NEGR1: variants seen among roughly 807,000 people sequenced by gnomAD.
The protein encoded by NEGR1 is IgLON family member 4.
Under a neutral mutation model 40.9 loss-of-function variants are expected in NEGR1, and 10 were observed. That is an observed-to-expected ratio of 0.24 (90% CI 0.15 to 0.42). The LOEUF (loss-of-function observed/expected upper bound fraction) is 0.42, where lower values mean the gene tolerates loss of function less well. Among genes scored for constraint, NEGR1 ranks in the 10% least tolerant of loss-of-function variants. NEGR1 has a pLI of 1.00. For synonymous variants in NEGR1, 185 were observed against 166.8 expected, an observed-to-expected ratio of 1.11 and a Z score of -0.84; for missense variants, 352 against 438.9, an observed-to-expected ratio of 0.80 and a Z score of 1.77.
At chr1:71,669,396 G>A (rs1348639931) in intron 4 of NEGR1, among the ~76,000 whole-genome samples, 3 of 151,740 alleles carry the variant, frequency 2.0e-5, no homozygotes, top group African/African-American at 7.3e-5. Flanking sequence ...CTTATTTTGT[G>A]TTCCATTTTC....
intron 6 of NEGR1, among the ~76,000 whole-genome samples, chr1:71,498,148 G>A (rs1646977236): frequency 6.7e-6 from 1 of 150,368 alleles, no homozygotes; most frequent in Non-Finnish European, 1.5e-5. Flanking sequence ...AAAGGTAATG[G>A]TCATCTAGTA....
intron 2 of NEGR1, among the ~76,000 whole-genome samples, chr1:71,856,723 A>G (rs766044410): frequency 6.6e-6 from 1 of 152,070 alleles, no homozygotes; most frequent in African/African-American, 2.4e-5. Flanking sequence ...ATTGTTGCAT[A>G]AAAATACTCT....
chr1:71,523,885 T>C (rs1485499893), intron 6 of NEGR1, among the ~76,000 whole-genome samples: 1 of 151,858 alleles, frequency 6.6e-6, no homozygotes, highest in Non-Finnish European at 1.5e-5. Context: ...ATCCTCAGTA[T>C]AGCGAGAAGC....
chr1:71,669,956 T>C (rs1652364759), intron 4 of NEGR1, among the ~76,000 whole-genome samples: 1 of 152,158 alleles, frequency 6.6e-6, no homozygotes, highest in African/African-American at 2.4e-5. Context: ...CAATCCTAGG[T>C]AGTATTTTAA....
chr1:72,200,241 C>T (rs574400564), intron 1 of NEGR1, among the ~76,000 whole-genome samples: 1 of 152,018 alleles, frequency 6.6e-6, no homozygotes, highest in South Asian at 2.1e-4. Context: ...GTGCTATTCA[C>T]AATATCAAAG....
intron 2 of NEGR1, among the ~76,000 whole-genome samples, chr1:71,899,789 A>T (rs1008692564): frequency 6.6e-6 from 1 of 152,106 alleles, no homozygotes; most frequent in Non-Finnish European, 1.5e-5. Context: ...AATATATTCC[A>T]TATTTGCCTT....
intron 4 of NEGR1, among the ~76,000 whole-genome samples, chr1:71,656,562 G>A (rs985529204): frequency 3.3e-5 from 5 of 152,054 alleles, no homozygotes; most frequent in Non-Finnish European, 4.4e-5. Flanking sequence ...ACAGGCGCCC[G>A]CCACCGTGCC....
intron 1 of NEGR1, among the ~76,000 whole-genome samples, chr1:72,098,371 T>C (rs536949558): frequency 6.6e-6 from 1 of 152,298 alleles, no homozygotes; most frequent in East Asian, 1.9e-4. Context: ...CACCATTATG[T>C]TAAATAATAC....
intron 6 of NEGR1, among the ~76,000 whole-genome samples, chr1:71,497,811 G>T (rs1646975013): frequency 6.6e-6 from 1 of 152,028 alleles, no homozygotes; most frequent in African/African-American, 2.4e-5. Context: ...CCTAACACTT[G>T]TGTTTTCTGA....
At chr1:71,884,669 G>GATGACAC (rs767140892) in intron 2 of NEGR1, among the ~76,000 whole-genome samples, 39 of 152,078 alleles carry the variant, frequency 2.6e-4, no homozygotes, top group Non-Finnish European at 1.5e-4. Flanking sequence ...TTGAGAACTA[G>GATGACAC]ATGACACACT....
intron 1 of NEGR1, among the ~76,000 whole-genome samples, chr1:72,054,549 T>C (rs932055736): frequency 6.6e-6 from 1 of 151,308 alleles, no homozygotes; most frequent in Non-Finnish European, 1.5e-5. Context: ...ACAAATACTA[T>C]GGTACTCTGG....
At chr1:72,221,414 G>A (rs1654008073) in intron 1 of NEGR1, among the ~76,000 whole-genome samples, 1 of 152,024 alleles carries the variant, frequency 6.6e-6, no homozygotes, top group Non-Finnish European at 1.5e-5. Context: ...AATCTCGGAT[G>A]ATTGTCAATT....
intron 2 of NEGR1, among the ~76,000 whole-genome samples, chr1:71,882,988 T>G (rs1660623033): frequency 6.6e-6 from 1 of 152,164 alleles, no homozygotes; most frequent in Non-Finnish European, 1.5e-5. Flanking sequence ...TTGCAACCAT[T>G]TGTTTATTGC....
chr1:71,580,068 CAAT>C (rs1455680145), intron 6 of NEGR1, among the ~76,000 whole-genome samples: 1 of 151,886 alleles, frequency 6.6e-6, no homozygotes, highest in Non-Finnish European at 1.5e-5. Flanking sequence ...AAATATCCAA[CAAT>C]GATAGACTGG....
At chr1:72,021,152 G>A (rs1169420786) in intron 1 of NEGR1, among the ~76,000 whole-genome samples, 1 of 151,962 alleles carries the variant, frequency 6.6e-6, no homozygotes, top group Non-Finnish European at 1.5e-5. Flanking sequence ...CATTTGCTTG[G>A]AAATTTAATA....
chr1:71,530,900 T>G (rs1345849564), intron 6 of NEGR1, among the ~76,000 whole-genome samples: 1 of 151,178 alleles, frequency 6.6e-6, no homozygotes, highest in Non-Finnish European at 1.5e-5. Context: ...TGTGTGTATG[T>G]GTGTGTGTGT....
At chr1:72,224,050 GACA>G (rs1448373937) in intron 1 of NEGR1, among the ~76,000 whole-genome samples, 1 of 152,040 alleles carries the variant, frequency 6.6e-6, no homozygotes, top group African/African-American at 2.4e-5. Flanking sequence ...GCTGATAAGT[GACA>G]ACATCACAGT....
At chr1:72,026,774 T>G (rs934743126) in intron 1 of NEGR1, among the ~76,000 whole-genome samples, 1 of 152,204 alleles carries the variant, frequency 6.6e-6, no homozygotes, top group African/African-American at 2.4e-5. Flanking sequence ...CTTTTCCTTT[T>G]TTTTCAATAA....
chr1:71,506,590 GA>G (rs147543679), intron 6 of NEGR1, among the ~76,000 whole-genome samples: 2 of 151,696 alleles, frequency 1.3e-5, no homozygotes, highest in African/African-American at 2.4e-5. Context: ...CATAATAATA[GA>G]AAAAAAATCA....
Sources: allele counts gnomAD v4.1 joint callset (sites outside exome capture counted in the v4.1 genomes callset), GRCh38; gene constraint gnomAD v4.1.1; transcripts MANE v1.5; gene names NCBI Gene and HGNC (gene_info 2026-07-23, HGNC 2026-07-21).